ERC2: variants seen among roughly 807,000 people sequenced by gnomAD.
ERC2 encodes ERC protein 2.
In ERC2, 42 loss-of-function variants were observed where a neutral mutation model predicts 114.8. The ratio of observed to expected loss-of-function variants is 0.37; its 90% CI spans 0.29 to 0.47. The LOEUF (loss-of-function observed/expected upper bound fraction) is 0.47, where lower values mean the gene tolerates loss of function less well. Ranked by LOEUF, ERC2 falls within the 20% of genes least tolerant of loss-of-function variation. The probability of loss-of-function intolerance (pLI) is 0.99; values close to 1 mark genes in which losing one functional copy is unlikely to be tolerated. For missense variants in ERC2, 939 were observed against 1,150.7 expected (o/e 0.82, Z 2.66); for synonymous variants, 454 against 425.5 (o/e 1.07, Z -0.82).
intron 14 of ERC2, among the ~76,000 whole-genome samples, chr3:55,831,586 T>C (rs2060588213): frequency 6.6e-6 from 1 of 152,204 alleles, no homozygotes; most frequent in Non-Finnish European, 1.5e-5. Flanking sequence ...AGGATTATAA[T>C]AGTCTAAACA....
chr3:56,091,658 A>G (rs1435277998), intron 6 of ERC2, among the ~76,000 whole-genome samples: 1 of 152,194 alleles, frequency 6.6e-6, no homozygotes. Context: ...ATTAACAAAA[A>G]TGTGTAAGGA....
chr3:55,971,374 C>T (rs376427810), intron 12 of ERC2, among the ~76,000 whole-genome samples: 23 of 151,998 alleles, frequency 1.5e-4, no homozygotes, highest in African/African-American at 5.3e-4. Context: ...ATTACAAATG[C>T]TAGTAATAAA....
At chr3:56,103,519 T>C (rs1271681651) in intron 6 of ERC2, among the ~76,000 whole-genome samples, 1 of 152,148 alleles carries the variant, frequency 6.6e-6, no homozygotes, top group Non-Finnish European at 1.5e-5. Flanking sequence ...ACCCAAACTA[T>C]GGACTAAGCT....
rs139782768 is a variant in ERC2, at chr3:55,579,352, A to G, written c.*40-68076T>C. On this transcript the variant is annotated intron_variant, in intron 17 of 17. Transcript: ENST00000288221. ...AAAAAAAAATGGCATGAACCCCTTA[A>G]TAACACTGGATTCAGAGACAAGGTT... Among the ~76,000 whole-genome samples, 365 of 152,324 alleles carry G rather than the reference A, an allele frequency of 2.4e-3. 1 individual carries two copies. The highest frequency in any genetic ancestry group is 7.6e-3 in the African/African-American group (314 of 41,580).
chr3:56,447,841 C>T (rs1051830836), intron 1 of ERC2, among the ~76,000 whole-genome samples: 6 of 151,782 alleles, frequency 4.0e-5, no homozygotes, highest in Non-Finnish European at 7.4e-5. Flanking sequence ...CTCCTGAGTT[C>T]AAGCGATTCT....
At chr3:55,960,239 A>T (rs754179996) in intron 12 of ERC2, among the ~76,000 whole-genome samples, 28 of 152,260 alleles carry the variant, frequency 1.8e-4, no homozygotes, top group Non-Finnish European at 3.4e-4. Context: ...AAAGAATAAA[A>T]TTGCACACCA....
chr3:55,681,680 A>G (rs550299352), intron 17 of ERC2, among the ~76,000 whole-genome samples: 122 of 152,378 alleles, frequency 8.0e-4, no homozygotes, highest in African/African-American at 2.8e-3. Context: ...ACAGCATACT[A>G]AAGTAGGATT....
intron 17 of ERC2, among the ~76,000 whole-genome samples, chr3:55,649,783 T>A (rs1232048367): frequency 6.6e-6 from 1 of 152,174 alleles, no homozygotes; most frequent in African/African-American, 2.4e-5. Flanking sequence ...CTCCTTGGAA[T>A]AGGTGGTGAC....
At chr3:55,625,627 T>C (rs1239676618) in intron 17 of ERC2, among the ~76,000 whole-genome samples, 1 of 152,020 alleles carries the variant, frequency 6.6e-6, no homozygotes, top group Non-Finnish European at 1.5e-5. Flanking sequence ...GGCGGGCGCC[T>C]GTAGTCCCAG....
At chr3:56,101,393 T>TTCCTGGAACAGATGAGGAGTTTCA (rs2078347249) in intron 6 of ERC2, among the ~76,000 whole-genome samples, 2 of 151,962 alleles carry the variant, frequency 1.3e-5, no homozygotes, top group Non-Finnish European at 2.9e-5. Flanking sequence ...GCTTCACCTG[T>TTCCTGGAACAGATGAGGAGTTTCA]TCCTGTAACA....
intron 17 of ERC2, among the ~76,000 whole-genome samples, chr3:55,638,359 T>C (rs2060038855): frequency 6.6e-6 from 1 of 152,248 alleles, no homozygotes; most frequent in African/African-American, 2.4e-5. Context: ...TGTCGAGTTC[T>C]TTCTTGGTGC....
At chr3:56,094,963 A>C (rs1198813702) in intron 6 of ERC2, among the ~76,000 whole-genome samples, 2 of 152,218 alleles carry the variant, frequency 1.3e-5, no homozygotes, top group African/African-American at 4.8e-5. Context: ...AAGTGCTAAA[A>C]CAGATGGGGT....
intron 14 of ERC2, among the ~76,000 whole-genome samples, chr3:55,884,709 C>T (rs918812117): frequency 6.6e-6 from 1 of 152,012 alleles, no homozygotes; most frequent in Admixed American, 6.5e-5. Flanking sequence ...ATGAGTAATC[C>T]TGTGAATGGG....
chr3:56,021,575 A>ATTTT (rs72200917), intron 7 of ERC2, among the ~76,000 whole-genome samples: 4 of 151,864 alleles, frequency 2.6e-5, no homozygotes, highest in African/African-American at 7.3e-5. Context: ...TGGGAGCTAA[A>ATTTT]TTTTTTAATT....
intron 4 of ERC2, among the ~76,000 whole-genome samples, chr3:56,171,478 A>G (rs547777158): frequency 1.3e-5 from 2 of 152,318 alleles, no homozygotes; most frequent in African/African-American, 4.8e-5. Flanking sequence ...CCTGAAAATT[A>G]TATTGCTCTT....
intron 2 of ERC2, among the ~76,000 whole-genome samples, chr3:56,317,000 A>G (rs1004572877): frequency 6.6e-6 from 1 of 152,230 alleles, no homozygotes; most frequent in Non-Finnish European, 1.5e-5. Context: ...GCTAAGCACT[A>G]TGCTAAGGCA....
At chr3:56,457,120 C>T (rs952796919) in intron 1 of ERC2, among the ~76,000 whole-genome samples, 1 of 152,124 alleles carries the variant, frequency 6.6e-6, no homozygotes, top group African/African-American at 2.4e-5. Context: ...CAAGTATTTC[C>T]CTCGATTAAT....
At chr3:56,037,789 G>C (rs932580129) in intron 7 of ERC2, among the ~76,000 whole-genome samples, 5 of 152,076 alleles carry the variant, frequency 3.3e-5, no homozygotes, top group African/African-American at 1.2e-4. Flanking sequence ...AAAATGTTAA[G>C]GGCAGCCAGA....
At chr3:55,805,500 C>T (rs550133617) in intron 14 of ERC2, among the ~76,000 whole-genome samples, 2 of 151,554 alleles carry the variant, frequency 1.3e-5, no homozygotes. Flanking sequence ...CAGCTCTGAA[C>T]CTGGGGTTGC....
Sources: allele counts gnomAD v4.1 joint callset (sites outside exome capture counted in the v4.1 genomes callset), GRCh38; gene constraint gnomAD v4.1.1; transcripts MANE v1.5; gene names NCBI Gene and HGNC (gene_info 2026-07-23, HGNC 2026-07-21).